The following PDE11A variants were observed in gnomAD, a reference collection of about 807,000 sequenced individuals.
PDE11A encodes phosphodiesterase 11A.
PDE11A carries 100 observed loss-of-function variants against 100.5 expected under a neutral mutation model. The observed-to-expected ratio is 1.00, with a 90% CI of 0.85 to 1.18. PDE11A has a LOEUF of 1.18. Ranked by LOEUF, PDE11A falls within the 50% of genes most tolerant of loss-of-function variation. The pLI, the probability that PDE11A is intolerant of heterozygous loss-of-function variation, is 0.00. For synonymous variants in PDE11A, 381 were observed against 420.8 expected (o/e 0.91, Z 1.16); for missense variants, 1,141 against 1,152.6 (o/e 0.99, Z 0.15).
chr2:177,926,396 G>T (rs1263522327), intron 2 of PDE11A, among the ~76,000 whole-genome samples: 1 of 152,110 alleles, frequency 6.6e-6, no homozygotes, highest in African/African-American at 2.4e-5. Flanking sequence ...TACTGTCTCA[G>T]AAACAAATTC....
intron 9 of PDE11A, among the ~76,000 whole-genome samples, chr2:177,789,140 T>G (rs1354953970): frequency 6.6e-6 from 1 of 152,196 alleles, no homozygotes; most frequent in Non-Finnish European, 1.5e-5. Flanking sequence ...AAATCCTCAA[T>G]AAAGTACTGG....
At chr2:177,816,586 T>TA (rs1338979402) in intron 9 of PDE11A, among the ~76,000 whole-genome samples, 3 of 152,206 alleles carry the variant, frequency 2.0e-5, no homozygotes, top group East Asian at 1.9e-4. Flanking sequence ...AATGTAATTT[T>TA]AAAAAATCTA....
Position 177,901,450 on chromosome 2 carries a change from C to T in PDE11A, c.1162-3252G>A, listed in dbSNP as rs534888074. Among the ~76,000 whole-genome samples, 3 of 152,302 alleles carry T rather than the reference C, an allele frequency of 2.0e-5. No homozygotes were observed. The East Asian group carries it at 5.8e-4, about 29-fold the overall frequency. On this transcript the variant is annotated intron_variant, in intron 3 of 19. Coordinates refer to ENST00000286063, the MANE Select transcript of PDE11A (RefSeq NM_016953.4). ...GGCACAGCTGACCCTGTGTGAATTACTCTTTCTCTTTTGCAATTCCCCTGT... is the reference window on the plus strand; with the variant it reads ...GGCACAGCTGACCCTGTGTGAATTATTCTTTCTCTTTTGCAATTCCCCTGT...
chr2:177,948,505 T>C (rs1237684892), intron 2 of PDE11A, among the ~76,000 whole-genome samples: 1 of 152,268 alleles, frequency 6.6e-6, no homozygotes, highest in Non-Finnish European at 1.5e-5. Flanking sequence ...TTATTTTTCA[T>C]TAACTTTCAC....
At chr2:177,722,620 G>C (rs936383650) in intron 12 of PDE11A, among the ~76,000 whole-genome samples, 1 of 152,140 alleles carries the variant, frequency 6.6e-6, no homozygotes, top group African/African-American at 2.4e-5. Context: ...AAAGACAGGA[G>C]TCTTAAATGT....
intron 10 of PDE11A, among the ~76,000 whole-genome samples, chr2:177,755,159 T>C (rs1026273089): frequency 1.2e-4 from 19 of 152,244 alleles, no homozygotes; most frequent in African/African-American, 4.3e-4. Flanking sequence ...TTAATTGGCA[T>C]GTCCCTGGAA....
chr2:177,981,322 C>A lies in PDE11A; in HGVS notation c.1071+32980G>T, dbSNP rs568952860. Among the ~76,000 whole-genome samples, 2 of 150,648 alleles carry A rather than the reference C, an allele frequency of 1.3e-5. 1 individual carries two copies. Among genetic ancestry groups the A allele is most frequent in the South Asian group, 4.3e-4 (2 of 4,614 alleles). On this transcript the variant is annotated intron_variant, in intron 2 of 19. Transcript: ENST00000286063. ...GCTTAGAACGACTGAAATGTATTGT[C>A]TCACAGTTCTGGAGGCTAGAAGTCT...
chr2:177,682,503 C>A (rs545177401), intron 15 of PDE11A, among the ~76,000 whole-genome samples: 1 of 152,042 alleles, frequency 6.6e-6, no homozygotes, highest in Non-Finnish European at 1.5e-5. Flanking sequence ...TTTGGAGATG[C>A]GTAGATACGG....
intron 2 of PDE11A, among the ~76,000 whole-genome samples, chr2:177,991,645 A>G (rs979117789): frequency 6.6e-5 from 10 of 150,856 alleles, no homozygotes; most frequent in African/African-American, 1.7e-4. Context: ...AAAAAATGAT[A>G]ATAATAATAA....
At chr2:177,797,350 TCTC>T (rs1355241489) in intron 9 of PDE11A, 1 of 152,148 alleles carries the variant, frequency 6.6e-6, no homozygotes, top group Non-Finnish European at 1.5e-5. Context: ...CCACAAAACC[TCTC>T]TCAGCAAGTT....
intron 4 of PDE11A, among the ~76,000 whole-genome samples, chr2:177,876,757 T>G (rs2084247686): frequency 6.7e-6 from 1 of 148,436 alleles, no homozygotes; most frequent in East Asian, 1.9e-4. Flanking sequence ...TTCTCTCTGA[T>G]GCTAGAGTGC....
Position 178,069,156 on chromosome 2 carries a change from A to G in PDE11A, c.912+2370T>C, listed in dbSNP as rs1011406181. On this transcript the variant is annotated intron_variant, in intron 1 of 19. Transcript: ENST00000286063. ...ACCATTTCCTGGGTAATTGCAATGT[A>G]CCAGATATTATTTTAGGGGCTTTGA... Among the ~76,000 whole-genome samples the G allele has an allele frequency of 7.9e-5, 12 of 152,310 alleles. No individual in the cohort carries two copies. In the East Asian group the frequency reaches 2.3e-3, roughly 29 times the overall value.
chr2:178,091,754 G>A (rs374428429), intron 2 of PDE11A, among the ~76,000 whole-genome samples: 10 of 144,520 alleles, frequency 6.9e-5, no homozygotes, highest in Non-Finnish European at 1.4e-4. Context: ...CCCACCATGC[G>A]TCTCTTATAT....
At chr2:178,074,727 A>G (rs140478052), upstream of PDE11A, among the ~76,000 whole-genome samples, 3 of 152,316 alleles carry the variant, frequency 2.0e-5, no homozygotes, top group Admixed American at 1.3e-4. Flanking sequence ...GTGAGAGTGG[A>G]GAAGAATACT....
In PDE11A at chr2:177,882,563, A is replaced by C. The variant is rs12616321; in HGVS notation, c.1303-6640T>G. Among the ~76,000 whole-genome samples, 311 of 152,338 alleles carry C rather than the reference A, an allele frequency of 2.0e-3. 1 individual carries two copies. The East Asian group carries it at 0.023, about 11-fold the overall frequency. The stretch of plus-strand genomic sequence containing the variant: ...ACATGGATTAAATAAATTAATATAC[A>C]CACACTAAGTAAAAAAGAGAATCTT... On this transcript the variant is annotated intron_variant, in intron 4 of 19. Transcript: ENST00000286063.
chr2:178,054,637 T>C (rs2086874674), intron 1 of PDE11A, among the ~76,000 whole-genome samples: 2 of 152,038 alleles, frequency 1.3e-5, no homozygotes, highest in African/African-American at 4.8e-5. Flanking sequence ...ACAAAGAACT[T>C]AAACAAATTT....
intron 10 of PDE11A, among the ~76,000 whole-genome samples, chr2:177,729,042 T>C (rs1416724330): frequency 1.3e-5 from 2 of 152,174 alleles, no homozygotes; most frequent in Non-Finnish European, 2.9e-5. Context: ...TGTATTCATA[T>C]TCCTATCTAT....
chr2:177,728,600 C>A (rs13431084), intron 10 of PDE11A, among the ~76,000 whole-genome samples: 13,333 of 152,112 alleles, frequency 0.088, 1,955 homozygotes, highest in African/African-American at 0.3. Flanking sequence ...ACCACTTTGC[C>A]TTGTTTCTTA....
intron 4 of PDE11A, among the ~76,000 whole-genome samples, chr2:177,896,827 A>AGTGT (rs373407953): frequency 6.6e-6 from 1 of 151,494 alleles, no homozygotes; most frequent in African/African-American, 2.4e-5. Context: ...GGCCTATTGG[A>AGTGT]GTGTGTGTGT....
Sources: allele counts gnomAD v4.1 joint callset (sites outside exome capture counted in the v4.1 genomes callset), GRCh38; gene constraint gnomAD v4.1.1; transcripts MANE v1.5; gene names NCBI Gene and HGNC (gene_info 2026-07-23, HGNC 2026-07-21).